Variants in ADAMTS12 observed in about 807,000 individuals in gnomAD.
ADAMTS12 encodes A disintegrin and metalloproteinase with thrombospondin motifs 12.
A neutral mutation model predicts 167.8 loss-of-function variants in ADAMTS12; 118 were observed. That is an observed-to-expected ratio of 0.70 (90% CI 0.61 to 0.82). ADAMTS12 has a LOEUF of 0.82. Ranked by LOEUF, ADAMTS12 falls within the 40% of genes least tolerant of loss-of-function variation. ADAMTS12 has a pLI of 0.00. For missense variants in ADAMTS12, 1,916 were observed against 1,998.8 expected, an observed-to-expected ratio of 0.96 and a Z score of 0.79; for synonymous variants, 704 against 716.9, an observed-to-expected ratio of 0.98 and a Z score of 0.29.
chr5:33,760,291 G>A (rs1189006333), intron 2 of ADAMTS12, among the ~76,000 whole-genome samples: 1 of 151,626 alleles, frequency 6.6e-6, no homozygotes, highest in East Asian at 1.9e-4. Context: ...ATTGTTGATT[G>A]CAGTTTGTAA....
intron 3 of ADAMTS12, among the ~76,000 whole-genome samples, chr5:33,691,618 C>G (rs192034228): frequency 1.3e-5 from 2 of 152,152 alleles, no homozygotes; most frequent in East Asian, 3.9e-4. Context: ...TCTTGGAAAA[C>G]GGAGTTACCT....
rs544229921 is a variant in ADAMTS12 at position 33,668,491 on chromosome 5, T to A, written c.916-6451A>T. The stretch of plus-strand genomic sequence containing the variant: ...TCTACTGATTTACATTACAGTTAAA[T>A]CTGCTTTGGAGGAATTTTTTTTTTC... On this transcript the variant is annotated intron_variant, in intron 5 of 23. Transcript: ENST00000504830. Among the ~76,000 whole-genome samples the A allele has an allele frequency of 2.8e-3, 422 of 152,258 alleles. 2 individuals are homozygous for A. Among genetic ancestry groups the A allele is most frequent in the Non-Finnish European group, 5.0e-3 (341 of 68,014 alleles).
At chr5:33,714,559 C>A (rs566698623) in intron 3 of ADAMTS12, among the ~76,000 whole-genome samples, 2 of 152,014 alleles carry the variant, frequency 1.3e-5, no homozygotes, top group South Asian at 4.1e-4. Flanking sequence ...AAATGTCCAT[C>A]AACAGATGAA....
At chr5:33,664,811 T>A (rs1470471768) in intron 5 of ADAMTS12, among the ~76,000 whole-genome samples, 1 of 152,136 alleles carries the variant, frequency 6.6e-6, no homozygotes, top group Non-Finnish European at 1.5e-5. Flanking sequence ...CCTAAGGATA[T>A]ACAATCAGTA....
At chr5:33,608,730 G>A (rs549316684) in intron 16 of ADAMTS12, among the ~76,000 whole-genome samples, 6 of 152,252 alleles carry the variant, frequency 3.9e-5, no homozygotes, top group South Asian at 2.1e-4. Context: ...AGCATCACTC[G>A]GTCAGAAAGG....
At position 33,891,898 on chromosome 5, in the gene ADAMTS12, C is replaced by A; in HGVS notation, c.-42G>T. On this transcript the variant is annotated 5_prime_UTR_variant, in exon 1 of 24. Transcript: ENST00000504830. ...AGAAGAAAAGTCAAAAAAGTTTTAG[C>A]CCTCAGCTCCAGAAATAAAGCGCTC... is the stretch of plus-strand genomic sequence containing the variant. 1 of 1,599,778 alleles carries A rather than the reference C, an allele frequency of 6.3e-7. No individual in the cohort carries two copies. Among genetic ancestry groups the A allele is most frequent in the African/African-American group, 1.3e-5 (1 of 74,176 alleles).
At chr5:33,809,591 C>T (rs1378807433) in intron 2 of ADAMTS12, among the ~76,000 whole-genome samples, 1 of 152,166 alleles carries the variant, frequency 6.6e-6, no homozygotes, top group Non-Finnish European at 1.5e-5. Context: ...CTCATCACTT[C>T]TGAAAATTAT....
intron 3 of ADAMTS12, among the ~76,000 whole-genome samples, chr5:33,693,679 G>GT (rs1298000327): frequency 6.6e-6 from 1 of 151,966 alleles, no homozygotes; most frequent in African/African-American, 2.4e-5. Context: ...ACAATATAAA[G>GT]AGTCACCTAT....
chr5:33,696,459 ATTGTCCAAAACCTTTCAG>A (rs1742779611), intron 3 of ADAMTS12, among the ~76,000 whole-genome samples: 1 of 151,258 alleles, frequency 6.6e-6, no homozygotes, highest in Non-Finnish European at 1.5e-5. Context: ...CAGAAATTCC[ATTGTCCAAAACCTTTCAG>A]TTGTCCAAAG....
chr5:33,633,716 G>A (rs916060812), intron 12 of ADAMTS12, among the ~76,000 whole-genome samples: 12 of 152,108 alleles, frequency 7.9e-5, no homozygotes, highest in Admixed American at 1.3e-4. Flanking sequence ...GCAGGAGGAG[G>A]CAAGGGTGGT....
chr5:33,865,337 T>C (rs544591163), intron 2 of ADAMTS12, among the ~76,000 whole-genome samples: 4 of 152,026 alleles, frequency 2.6e-5, no homozygotes, highest in Admixed American at 1.3e-4. Context: ...ATATGTGATA[T>C]ATCACATAAA....
In ADAMTS12 at chr5:33,598,947, C is replaced by T. The variant is rs77174167; in HGVS notation, c.2528-2887G>A. Among the ~76,000 whole-genome samples, 900 of 152,274 alleles carry T rather than the reference C, an allele frequency of 5.9e-3. 6 individuals carry two copies. The highest frequency in any genetic ancestry group is 0.021 in the East Asian group (108 of 5,178). On this transcript the variant is annotated intron_variant, in intron 16 of 23. Transcript: ENST00000504830. ...ATCTGCTGCATCTGTGTCTCAATCTCGGGACACTCCAGCTACCACAGTGGG... is the reference window on the plus strand; with the variant it reads ...ATCTGCTGCATCTGTGTCTCAATCTTGGGACACTCCAGCTACCACAGTGGG...
chr5:33,549,454 C>A (rs462629), intron 20 of ADAMTS12, 71 bp from the exon 21 acceptor site: 329,771 of 1,539,596 alleles, frequency 0.21, 40,267 homozygotes, highest in East Asian at 0.55. Context: ...TCCCCTCAGC[C>A]GTGGAGGCGC....
At chr5:33,792,383 C>T (rs975956284) in intron 2 of ADAMTS12, among the ~76,000 whole-genome samples, 5 of 152,178 alleles carry the variant, frequency 3.3e-5, no homozygotes, top group Non-Finnish European at 4.4e-5. Context: ...GTGCATGTCA[C>T]GTAACTGGCT....
At chr5:33,815,526 A>G (rs1208830132) in intron 2 of ADAMTS12, among the ~76,000 whole-genome samples, 1 of 152,234 alleles carries the variant, frequency 6.6e-6, no homozygotes, top group African/African-American at 2.4e-5. Flanking sequence ...TCTAGCCTTC[A>G]GAACTTTGAG....
At chr5:33,785,053 G>A (rs1746278384) in intron 2 of ADAMTS12, among the ~76,000 whole-genome samples, 1 of 151,934 alleles carries the variant, frequency 6.6e-6, no homozygotes, top group Non-Finnish European at 1.5e-5. Context: ...AGTTGGCCCA[G>A]GCAATTTAAT....
At chr5:33,682,897 C>T in intron 5 of ADAMTS12, 121 bp downstream of exon 5, 1 of 717,212 alleles carries the variant, frequency 1.4e-6, no homozygotes, top group Non-Finnish European at 2.3e-6. Flanking sequence ...TATTTTCCTT[C>T]TCGATGGGCT....
At chr5:33,678,720 T>C (rs1742006836) in intron 5 of ADAMTS12, among the ~76,000 whole-genome samples, 1 of 152,144 alleles carries the variant, frequency 6.6e-6, no homozygotes, top group Non-Finnish European at 1.5e-5. Flanking sequence ...ACCACTGGAC[T>C]AAACGAAGCC....
chr5:33,532,733 C>T (rs1403199152), intron 23 of ADAMTS12, among the ~76,000 whole-genome samples: 2 of 152,030 alleles, frequency 1.3e-5, no homozygotes, highest in African/African-American at 4.8e-5. Flanking sequence ...GTCATTAAAA[C>T]TTCAAATGGT....
Sources: gnomAD v4.1 joint callset for allele counts (sites outside exome capture counted in the v4.1 genomes callset) on GRCh38, gnomAD v4.1.1 for gene constraint, MANE v1.5 for transcripts, NCBI Gene and HGNC (gene_info 2026-07-23, HGNC 2026-07-21) for gene names.